EFHB: variants seen among roughly 807,000 people sequenced by gnomAD.
The protein encoded by EFHB is EF-hand domain family member B, also known as EF-hand domain-containing family member B.
Under a neutral mutation model 87.2 loss-of-function variants are expected in EFHB, and 91 were observed. The observed-to-expected ratio is 1.04, with a 90% CI of 0.88 to 1.24. The LOEUF is 1.24. EFHB is among the 50% of genes most tolerant of loss of function. The pLI, the probability that EFHB is intolerant of heterozygous loss-of-function variation, is 0.00. For missense variants in EFHB, 1,084 were observed against 998.8 expected (o/e 1.09, Z -1.15); for synonymous variants, 325 against 333.6 (o/e 0.97, Z 0.28).
intron 10 of EFHB, among the ~76,000 whole-genome samples, chr3:19,887,533 A>G (rs1694150245): frequency 6.6e-6 from 1 of 152,216 alleles, no homozygotes; most frequent in South Asian, 2.1e-4. Flanking sequence ...AATGATACAG[A>G]AAGATAAAAT....
chr3:19,920,608 A>G, intron 1 of EFHB, 41 bp from the exon 2 acceptor site: 1 of 1,491,594 alleles, frequency 6.7e-7, no homozygotes, highest in Non-Finnish European at 9.1e-7. Flanking sequence ...CCAGGGTGGA[A>G]GAGGAGCATT....
chr3:19,885,710 G>A (rs899366652), intron 10 of EFHB, among the ~76,000 whole-genome samples: 3 of 152,058 alleles, frequency 2.0e-5, no homozygotes, highest in African/African-American at 4.8e-5. Flanking sequence ...AAAGACTTAC[G>A]TCTCTGAAGA....
At chr3:19,942,578 A>G (rs1423436628) in intron 1 of EFHB, 1 of 152,314 alleles carries the variant, frequency 6.6e-6, no homozygotes, top group Non-Finnish European at 1.5e-5. Flanking sequence ...TTATATTATT[A>G]TTACATTGTA....
At chr3:19,930,057 G>A (rs528509769) in intron 1 of EFHB, among the ~76,000 whole-genome samples, 9 of 152,192 alleles carry the variant, frequency 5.9e-5, no homozygotes, top group African/African-American at 1.4e-4. Context: ...AAGGGCAAAC[G>A]AATTAATACC....
intron 3 of EFHB, among the ~76,000 whole-genome samples, 186 bp from the exon 4 acceptor site, chr3:19,918,598 A>G (rs1205982255): frequency 6.6e-6 from 1 of 152,142 alleles, no homozygotes; most frequent in Non-Finnish European, 1.5e-5. Context: ...ACACGCCTAC[A>G]AGAACTTTCT....
At chr3:19,891,697 G>C (rs1694311563) in intron 9 of EFHB, among the ~76,000 whole-genome samples, 1 of 152,130 alleles carries the variant, frequency 6.6e-6, no homozygotes, top group Non-Finnish European at 1.5e-5. Context: ...CAAAAATTAT[G>C]GCTACTGATT....
In EFHB at chr3:19,918,239, G is replaced by A; in HGVS notation, c.1170C>T (p.Val390=). ...TATTTTTTTTTTTACTACCTTTGAT[G>A]ACTGCTGTCCCAAATGTCGTATTGG... The part of the protein sequence containing the change: ...DTTNTTFGTA[V]IKEYSAKDVV... The change falls in exon 4 of 13, where the codon GTC becomes GTT. Residue 390 remains valine, a synonymous_variant. Transcript: ENST00000295824. 6.4e-7 allele frequency: 1 copy of A among 1,569,102 alleles called. No individual in the cohort carries two copies. The highest frequency in any genetic ancestry group is 2.3e-5 in the East Asian group (1 of 43,712).
At position 19,890,561 on chromosome 3, in the gene EFHB, T is replaced by C. The variant is rs574019564; in HGVS notation, c.1726-1910A>G. Among the ~76,000 whole-genome samples, 25 of 152,346 alleles carry C rather than the reference T, an allele frequency of 1.6e-4. No individual in the cohort carries two copies. In the South Asian group the frequency reaches 4.8e-3, roughly 29 times the overall value. ...TCCAAGCCTGAATATTTAATTGGTATTGATGCTTTCCATGTCTGTAGAGTG... is the reference window on the plus strand; with the variant it reads ...TCCAAGCCTGAATATTTAATTGGTACTGATGCTTTCCATGTCTGTAGAGTG... On this transcript the variant is annotated intron_variant, in intron 9 of 12. Transcript: ENST00000295824.
chr3:19,914,936 C>CA (rs1695174814), intron 5 of EFHB, among the ~76,000 whole-genome samples: 1 of 151,756 alleles, frequency 6.6e-6, no homozygotes, highest in African/African-American at 2.4e-5. Flanking sequence ...TTTAAAAACT[C>CA]AAAAAATTAG....
upstream of EFHB, among the ~76,000 whole-genome samples, chr3:19,934,705 T>C (rs1184910774): frequency 6.6e-6 from 1 of 152,178 alleles, no homozygotes; most frequent in Non-Finnish European, 1.5e-5. Context: ...ATGTTGGTGA[T>C]GATGAACAAA....
At chr3:19,932,263 C>T (rs962442626) in intron 1 of EFHB, among the ~76,000 whole-genome samples, 10 of 152,218 alleles carry the variant, frequency 6.6e-5, no homozygotes, top group Admixed American at 6.5e-4. Flanking sequence ...TTCAGTATCT[C>T]CCCCTTCCAG....
Position 19,879,549 on chromosome 3 carries a change from T to A in EFHB, c.*82A>T, listed in dbSNP as rs1018076044. The stretch of plus-strand genomic sequence containing the variant: ...TACCACTGTGAACTCTAACATAATA[T>A]CTAAAACCAGAATGGATTCAACATT... On this transcript the variant is annotated 3_prime_UTR_variant, in exon 13 of 13. Coordinates refer to ENST00000295824, the MANE Select transcript of EFHB (RefSeq NM_144715.4). The A allele has an allele frequency of 1.4e-6, 2 of 1,433,170 alleles. No homozygotes were observed. Among genetic ancestry groups the A allele is most frequent in the Non-Finnish European group, 1.9e-6 (2 of 1,075,584 alleles). The allele number at this position is 1,433,170 out of a possible 1,614,324, so 88.8% of individuals were successfully genotyped here. A position where few individuals can be genotyped will look rare whatever the true frequency, so the allele number is the denominator to read the frequency against.
intron 1 of EFHB, among the ~76,000 whole-genome samples, chr3:19,922,518 T>C (rs1695470622): frequency 6.6e-6 from 1 of 152,178 alleles, no homozygotes; most frequent in African/African-American, 2.4e-5. Flanking sequence ...GGAGCATTAA[T>C]AAGTAAAAGT....
intron 9 of EFHB, among the ~76,000 whole-genome samples, chr3:19,892,583 G>A (rs1694339303): frequency 6.6e-6 from 1 of 152,142 alleles, no homozygotes; most frequent in Non-Finnish European, 1.5e-5. Context: ...GGCATAAAAA[G>A]GATTCTAGGA....
chr3:19,936,130 TA>T, upstream of EFHB: 1 of 1,494,076 alleles, frequency 6.7e-7, no homozygotes, highest in Non-Finnish European at 8.9e-7. Context: ...GGTCTGGACA[TA>T]GTCACTCACC....
In EFHB at chr3:19,933,929, C is replaced by T; in HGVS notation, c.90G>A (p.Leu30=). The T allele has an allele frequency of 3.1e-6, 5 of 1,613,962 alleles. No homozygotes were observed. Among genetic ancestry groups the T allele is most frequent in the Non-Finnish European group, 4.2e-6 (5 of 1,179,866 alleles). The change falls in exon 1 of 13, where the codon TTG becomes TTA. Residue 30 remains leucine (L), a synonymous_variant. Transcript: ENST00000295824. ...VIMGTKFPME[L]GIRVGLGKED... is the part of the protein sequence containing the mutation. The stretch of plus-strand genomic sequence containing the variant: ...CTTTTCCTAATCCTACTCTGATCCC[C>T]AACTCCATGGGAAATTTTGTTCCCA...
At chr3:19,942,052 G>A (rs1696172559) in intron 1 of EFHB, 1 of 152,156 alleles carries the variant, frequency 6.6e-6, no homozygotes, top group African/African-American at 2.4e-5. Context: ...TAACTACTCA[G>A]GAGGCTGAGG....
chr3:19,880,340 C>T (rs1483275953), intron 12 of EFHB, among the ~76,000 whole-genome samples: 13 of 151,984 alleles, frequency 8.6e-5, no homozygotes, highest in Non-Finnish European at 7.4e-5. Flanking sequence ...GCCTCTGCCT[C>T]CTGGGTACAA....
At chr3:19,897,467 G>A (rs1471770042) in intron 8 of EFHB, among the ~76,000 whole-genome samples, 2 of 152,104 alleles carry the variant, frequency 1.3e-5, no homozygotes, top group Admixed American at 1.3e-4. Flanking sequence ...CGGCTCGGTG[G>A]ATATCGCCAG....
Sources: gnomAD v4.1 joint callset for allele counts (sites outside exome capture counted in the v4.1 genomes callset) on GRCh38, gnomAD v4.1.1 for gene constraint, MANE v1.5 for transcripts, NCBI Gene and HGNC (gene_info 2026-07-23, HGNC 2026-07-21) for gene names.